Variants in NLRC3 observed in about 807,000 individuals in gnomAD.
The protein encoded by NLRC3 is NLR family CARD domain containing 3.
Under a neutral mutation model 91.6 loss-of-function variants are expected in NLRC3, and 87 were observed. The observed-to-expected ratio is 0.95, with a 90% CI of 0.80 to 1.14. NLRC3 has a LOEUF of 1.14. Among genes scored for constraint, NLRC3 ranks in the 50% most tolerant of loss-of-function variants. The probability of loss-of-function intolerance (pLI) is 0.00; values close to 1 mark genes in which losing one functional copy is unlikely to be tolerated. For missense variants in NLRC3, 1,577 were observed against 1,418.6 expected (o/e 1.11, Z -1.79); for synonymous variants, 694 against 625.3 (o/e 1.11, Z -1.64).
chr16:3,554,438 G>A (rs2039188686), intron 8 of NLRC3, 113 bp from the exon 9 acceptor site: 4 of 711,416 alleles, frequency 5.6e-6, no homozygotes, highest in South Asian at 3.2e-5. Flanking sequence ...TGACCACTAC[G>A]TGCCCTCACC....
intron 8 of NLRC3, among the ~76,000 whole-genome samples, chr16:3,556,397 CCA>C (rs2039332796): frequency 6.7e-6 from 1 of 148,430 alleles, no homozygotes. Context: ...CCTGCTCAGG[CCA>C]CACACACAGG....
intron 15 of NLRC3, 22 bp downstream of exon 15, chr16:3,548,113 G>A (rs755484276): frequency 1.1e-5 from 17 of 1,527,702 alleles, no homozygotes; most frequent in Non-Finnish European, 1.5e-5. Context: ...CCGCCCTGCA[G>A]CCCCTGGGCA....
chr16:3,543,634 C>T (rs2038528474), intron 16 of NLRC3, 126 bp from the exon 17 acceptor site: 3 of 690,238 alleles, frequency 4.3e-6, no homozygotes, highest in Non-Finnish European at 7.8e-6. Flanking sequence ...AATGGTTGGC[C>T]AGCGCTGTGT....
chr16:3,550,963 A>G (rs2038962183), intron 10 of NLRC3, among the ~76,000 whole-genome samples: 1 of 152,040 alleles, frequency 6.6e-6, no homozygotes, highest in Admixed American at 6.6e-5. Flanking sequence ...TGATTTATCT[A>G]CTTACCCACC....
chr16:3,553,691 G>GTATTT (rs2039134257), intron 9 of NLRC3, among the ~76,000 whole-genome samples: 1 of 150,376 alleles, frequency 6.6e-6, no homozygotes, highest in Non-Finnish European at 1.5e-5. Context: ...TTGGTAGAAG[G>GTATTT]TATTTTATTT....
chr16:3,562,235 C>G (rs1050019536), intron 5 of NLRC3, among the ~76,000 whole-genome samples: 2 of 152,142 alleles, frequency 1.3e-5, no homozygotes, highest in Non-Finnish European at 2.9e-5. Context: ...CCCTGTGCCC[C>G]AAGTATGTGG....
Position 3,540,797 on chromosome 16 carries a change from A to C in NLRC3, c.*1028T>G, listed in dbSNP as rs117712684. ...CAGCCTGGGTGACAGATTCTGTCTC[A>C]AAAATAAATAAAGAATGACATCACT... is the stretch of plus-strand genomic sequence containing the variant. On this transcript the variant is annotated 3_prime_UTR_variant, in exon 20 of 20. Transcript: ENST00000359128. 0.051 allele frequency: 7,641 copies of C among 150,348 alleles called. 247 individuals carry two copies. Among genetic ancestry groups the C allele is most frequent in the Admixed American group, 0.07 (1,054 of 15,082 alleles). The allele number at this position is 150,348 out of a possible 1,614,324, so 9.3% of individuals were successfully genotyped here.
intron 8 of NLRC3, among the ~76,000 whole-genome samples, chr16:3,555,293 G>A (rs550153426): frequency 1.3e-5 from 2 of 151,898 alleles, no homozygotes; most frequent in South Asian, 4.2e-4. Context: ...GTACCACACG[G>A]ATGAAGCTTA....
rs1218595308 is a variant in NLRC3, at chr16:3,549,127, G to A, written c.2603+15C>T. The A allele has an allele frequency of 1.9e-6, 3 of 1,549,982 alleles. No homozygotes were observed. Among genetic ancestry groups the A allele is most frequent in the Non-Finnish European group, 2.6e-6 (3 of 1,141,272 alleles). On this transcript the variant is annotated intron_variant, in intron 13 of 19. Coordinates refer to ENST00000359128, the MANE Select transcript of NLRC3 (RefSeq NM_178844.4). Reference sequence around the variant, plus strand: ...GCATGAACAGCCTGTGGAGTCACAGGCCCCCACCACGTACTCCAGGTTCTT... The same window carrying A: ...GCATGAACAGCCTGTGGAGTCACAGACCCCCACCACGTACTCCAGGTTCTT...
At chr16:3,569,393 T>C (rs1156474421) in intron 1 of NLRC3, among the ~76,000 whole-genome samples, 1 of 30,110 alleles carries the variant, frequency 3.3e-5, no homozygotes, top group Non-Finnish European at 5.7e-5. Context: ...TATATATATA[T>C]ATTATTTTTT....
At chr16:3,569,687 C>T (rs1284775089) in intron 1 of NLRC3, among the ~76,000 whole-genome samples, 19 of 151,808 alleles carry the variant, frequency 1.3e-4, no homozygotes, top group Admixed American at 1.1e-3. Flanking sequence ...TGTGAGCCAC[C>T]GTGCCCAGCC....
chr16:3,548,609 G>C, intron 14 of NLRC3, 61 bp downstream of exon 14: 3 of 1,273,386 alleles, frequency 2.4e-6, no homozygotes, highest in Middle Eastern at 1.8e-4. Flanking sequence ...TCGTTGGTTT[G>C]GGTGGAGCCC....
chr16:3,551,790 CTCAT>C (rs2039022506), intron 10 of NLRC3, among the ~76,000 whole-genome samples: 1 of 146,590 alleles, frequency 6.8e-6, no homozygotes, highest in South Asian at 2.2e-4. Context: ...CATCCATCCA[CTCAT>C]TCATTTATCC....
Position 3,541,492 on chromosome 16 carries a change from TG to T in NLRC3, c.*332del, listed in dbSNP as rs1448917294. 1 of 253,080 alleles carries T rather than the reference TG, an allele frequency of 4.0e-6. No individual in the cohort carries two copies. The highest frequency in any genetic ancestry group is 7.6e-6 in the Non-Finnish European group (1 of 132,348). 15.7% of individuals were successfully genotyped at this position (253,080 alleles called of 1,614,324 possible). A position where few individuals can be genotyped will look rare whatever the true frequency, so the allele number is the denominator to read the frequency against. On this transcript the variant is annotated 3_prime_UTR_variant, in exon 20 of 20. Transcript: ENST00000359128. The stretch of plus-strand genomic sequence containing the variant: ...GGCAGTAATAAACATTTTTAAAGGT[TG>T]GGGACACATGAAGTCCTCAGGGTGT...
chr16:3,566,542 A>T (rs954325741), intron 2 of NLRC3, among the ~76,000 whole-genome samples: 1 of 152,166 alleles, frequency 6.6e-6, no homozygotes, highest in Non-Finnish European at 1.5e-5. Context: ...CCTGACCAAC[A>T]TGGAGAAACC....
intron 10 of NLRC3, among the ~76,000 whole-genome samples, chr16:3,551,295 C>CCCAT (rs1182861465): frequency 2.0e-5 from 3 of 149,502 alleles, no homozygotes; most frequent in Middle Eastern, 3.5e-3. Context: ...TATCCACTCA[C>CCCAT]CCATCCATCC....
intron 1 of NLRC3, among the ~76,000 whole-genome samples, chr16:3,573,865 C>T (rs2151109239): frequency 6.6e-6 from 1 of 152,200 alleles, no homozygotes; most frequent in Non-Finnish European, 1.5e-5. Flanking sequence ...GTTGCCCAGG[C>T]TGGAGTGCAG....
chr16:3,569,392 A>ATATATAT (rs1555446797), intron 1 of NLRC3, among the ~76,000 whole-genome samples: 3 of 55,536 alleles, frequency 5.4e-5, no homozygotes, highest in East Asian at 1.1e-3. Context: ...ATATATATAT[A>ATATATAT]TATTATTTTT....
chr16:3,543,615 AG>A, intron 16 of NLRC3, 107 bp from the exon 17 acceptor site: 1 of 758,534 alleles, frequency 1.3e-6, no homozygotes, highest in Non-Finnish European at 2.3e-6. Context: ...GTGGAGAAAC[AG>A]CACTGAGAAT....
Sources: gnomAD v4.1 joint callset for allele counts (sites outside exome capture counted in the v4.1 genomes callset) on GRCh38, gnomAD v4.1.1 for gene constraint, MANE v1.5 for transcripts, NCBI Gene and HGNC (gene_info 2026-07-23, HGNC 2026-07-21) for gene names.